TMEM132E: variants seen among roughly 807,000 people sequenced by gnomAD.
TMEM132E encodes the protein transmembrane protein 132E.
In TMEM132E, 49 loss-of-function variants were observed where a neutral mutation model predicts 78.5. The observed-to-expected ratio is 0.62, with a 90% CI of 0.50 to 0.79. The LOEUF is 0.79. TMEM132E is among the 30% of genes least tolerant of loss of function. TMEM132E has a pLI of 0.00. For synonymous variants in TMEM132E, 715 were observed against 670.6 expected, an observed-to-expected ratio of 1.07 and a Z score of -1.02; for missense variants, 1,403 against 1,470.9, an observed-to-expected ratio of 0.95 and a Z score of 0.75.
Position 34,635,013 on chromosome 17 carries a change from G to A in TMEM132E, c.1903G>A (p.Gly635Ser). 1 of 1,614,056 alleles carries A rather than the reference G, an allele frequency of 6.2e-7. No individual in the cohort carries two copies. Among genetic ancestry groups the A allele is most frequent in the Non-Finnish European group, 8.5e-7 (1 of 1,180,018 alleles). Residue 635 changes from glycine (G) to serine (S), a missense_variant, in exon 7 of 9, where the codon GGC becomes AGC. Coordinates refer to ENST00000631683, the MANE Select transcript of TMEM132E (RefSeq NM_001304438.2). ...TDLVSDFMRV[G>S]DPRVAHMVDS... ...CCTAGTCAGTGACTTCATGCGGGTG[G>A]GCGATCCCCGAGTGGCACACATGGT...
chr17:34,604,838 G>A (rs1906360640), intron 1 of TMEM132E, among the ~76,000 whole-genome samples: 1 of 152,238 alleles, frequency 6.6e-6, no homozygotes, highest in Non-Finnish European at 1.5e-5. Context: ...CCAGGCACTT[G>A]CATTTCCTCC....
At chr17:34,601,466 A>G (rs1432804534) in intron 1 of TMEM132E, among the ~76,000 whole-genome samples, 1 of 152,160 alleles carries the variant, frequency 6.6e-6, no homozygotes, top group African/African-American at 2.4e-5. Context: ...CTCTGGCTGG[A>G]GGCTGTCTTT....
chr17:34,593,123 A>G (rs971117575), intron 1 of TMEM132E, among the ~76,000 whole-genome samples: 2 of 151,286 alleles, frequency 1.3e-5, no homozygotes, highest in African/African-American at 4.8e-5. Flanking sequence ...ACATGTAATC[A>G]GGGCCAGGCC....
chr17:34,605,936 A>T (rs941747868), intron 1 of TMEM132E, among the ~76,000 whole-genome samples: 1 of 152,170 alleles, frequency 6.6e-6, no homozygotes, highest in Non-Finnish European at 1.5e-5. Context: ...AATCTCATCC[A>T]CTAAACCAAG....
At chr17:34,627,170 G>A (rs1907179972) in intron 2 of TMEM132E, 113 bp downstream of exon 2, 7 of 1,184,698 alleles carry the variant, frequency 5.9e-6, no homozygotes, top group Non-Finnish European at 8.4e-6. Context: ...TCCCTGTCCA[G>A]CATCCTAATC....
In TMEM132E at chr17:34,628,570, G is replaced by A. The variant is rs950923559; in HGVS notation, c.1006G>A (p.Ala336Thr). 5 of 1,613,742 alleles carry A rather than the reference G, an allele frequency of 3.1e-6. No homozygotes were observed. The Admixed American group carries it at 5.0e-5, about 16-fold the overall frequency. Residue 336 changes from alanine (A) to threonine (T), a missense_variant, in exon 3 of 9, where the codon GCC becomes ACC. Physicochemically the swap from Ala to Thr is moderately conservative, Grantham distance 58. Around this residue, in one of 3 missense-constraint regions of TMEM132E, gnomAD observed 511 missense variants for 499.0 expected, o/e 1.02. Coordinates refer to ENST00000631683, the MANE Select transcript of TMEM132E (RefSeq NM_001304438.2). Reference sequence around the variant, plus strand: ...CCTCCCACTTTGTCCCAGGGTGAAGGCCAAGAAGGGTGTGACCCTTTTAGG... The same window carrying A: ...CCTCCCACTTTGTCCCAGGGTGAAGACCAAGAAGGGTGTGACCCTTTTAGG... Reference protein sequence around the residue: ...SVEHFTLRVKAKKGVTLLGTK... With the variant: ...SVEHFTLRVKTKKGVTLLGTK...
chr17:34,582,950 C>A (rs182930060), intron 1 of TMEM132E, among the ~76,000 whole-genome samples: 1 of 152,258 alleles, frequency 6.6e-6, no homozygotes, highest in East Asian at 1.9e-4. Context: ...CCTTCCCGAT[C>A]CCTGAGCCTG....
intron 1 of TMEM132E, among the ~76,000 whole-genome samples, chr17:34,588,054 A>G (rs1419141886): frequency 6.6e-6 from 1 of 151,940 alleles, no homozygotes; most frequent in East Asian, 1.9e-4. Context: ...GGGCCCACTG[A>G]CCCTCCAGTT....
chr17:34,603,906 G>C (rs1408874957), intron 1 of TMEM132E, among the ~76,000 whole-genome samples: 1 of 152,018 alleles, frequency 6.6e-6, no homozygotes, highest in African/African-American at 2.4e-5. Flanking sequence ...CCGCCACCAG[G>C]CCTGGTCCCT....
chr17:34,626,845 C>T lies in TMEM132E; in HGVS notation c.786C>T (p.Ser262=). ...AGPGVGARAE[S]PTQHPLLRIG... is the part of the protein sequence containing the mutation. ...CCGGGGTGGGGGCCCGAGCGGAAAG[C>T]CCTACCCAGCACCCCCTGCTGCGCA... The change falls in exon 2 of 9, where the codon AGC becomes AGT. Residue 262 remains serine (S), a synonymous_variant. Transcript: ENST00000631683. 6.3e-7 allele frequency: 1 copy of T among 1,591,772 alleles called. No homozygotes were observed. Among genetic ancestry groups the T allele is most frequent in the Non-Finnish European group, 8.5e-7 (1 of 1,173,914 alleles).
chr17:34,600,728 C>T (rs1906213019), intron 1 of TMEM132E, among the ~76,000 whole-genome samples: 2 of 152,226 alleles, frequency 1.3e-5, no homozygotes, highest in South Asian at 4.2e-4. Flanking sequence ...ACTGGCAGTC[C>T]AGGATGGAGC....
rs1462963580 is a variant in TMEM132E at position 34,580,220 on chromosome 17, T to A, written c.-857T>A. The A allele has an allele frequency of 1.3e-5, 2 of 152,368 alleles. No individual in the cohort carries two copies. 9.4% of individuals were successfully genotyped at this position (152,368 alleles called of 1,614,324 possible). On this transcript the variant is annotated 5_prime_UTR_variant, in exon 1 of 9. Coordinates refer to ENST00000631683, the MANE Select transcript of TMEM132E (RefSeq NM_001304438.2). ...GGGCAGGGCGCATTAGCCGGCTTTC[T>A]CGCTCCCTCGCTTCTCCAAGCCCCA...
intron 1 of TMEM132E, among the ~76,000 whole-genome samples, chr17:34,608,497 G>A (rs1906490021): frequency 6.6e-6 from 1 of 152,220 alleles, no homozygotes; most frequent in African/African-American, 2.4e-5. Context: ...AGTGAATGGT[G>A]CTGTGGCCGT....
chr17:34,612,000 C>G (rs1906607610), intron 1 of TMEM132E, among the ~76,000 whole-genome samples: 1 of 152,104 alleles, frequency 6.6e-6, no homozygotes. Flanking sequence ...CTGTAGTAGT[C>G]TCAGGCAAAC....
intron 1 of TMEM132E, among the ~76,000 whole-genome samples, chr17:34,596,032 C>G (rs1906046261): frequency 8.3e-6 from 1 of 120,556 alleles, no homozygotes; most frequent in Middle Eastern, 4.1e-3. Context: ...CTCTCTCCCT[C>G]TCACGTCTCT....
intron 1 of TMEM132E, among the ~76,000 whole-genome samples, chr17:34,600,865 G>A (rs2142059595): frequency 6.6e-6 from 1 of 152,340 alleles, no homozygotes; most frequent in South Asian, 2.1e-4. Flanking sequence ...AGAGCTGTGA[G>A]ACAGAGGCCA....
intron 1 of TMEM132E, among the ~76,000 whole-genome samples, chr17:34,622,139 T>C (rs963644166): frequency 6.6e-6 from 1 of 152,170 alleles, no homozygotes; most frequent in African/African-American, 2.4e-5. Flanking sequence ...AAGCACATAT[T>C]TAGTGTCTCT....
intron 1 of TMEM132E, among the ~76,000 whole-genome samples, chr17:34,612,939 C>T (rs1010810696): frequency 1.3e-5 from 2 of 152,062 alleles, no homozygotes; most frequent in Non-Finnish European, 1.5e-5. Context: ...TCAGCCAGTA[C>T]CTAGCACTCC....
intron 4 of TMEM132E, 93 bp from the exon 5 acceptor site, chr17:34,629,915 G>A (rs536190707): frequency 1.1e-5 from 14 of 1,226,720 alleles, no homozygotes; most frequent in Non-Finnish European, 1.5e-5. Context: ...TCTGAGGAGT[G>A]GGGGGGGAGC....
Sources: gnomAD v4.1 joint callset for allele counts (sites outside exome capture counted in the v4.1 genomes callset) on GRCh38, gnomAD v4.1.1 for gene constraint, gnomAD v4.1.1 regional missense constraint, MANE v1.5 for transcripts, NCBI Gene and HGNC (gene_info 2026-07-23, HGNC 2026-07-21) for gene names.